Variants in CCDC61 observed in about 807,000 individuals in gnomAD.
The protein encoded by CCDC61 is centrosomal protein CCDC61.
Under a neutral mutation model 63.0 loss-of-function variants are expected in CCDC61, and 55 were observed. The ratio of observed to expected loss-of-function variants is 0.87; its 90% CI spans 0.70 to 1.09. The LOEUF (loss-of-function observed/expected upper bound fraction) is 1.09. Among genes scored for constraint, CCDC61 ranks in the 50% least tolerant of loss-of-function variants. The pLI is 0.00. For synonymous variants in CCDC61, 270 were observed against 317.0 expected (o/e 0.85, Z 1.58); for missense variants, 651 against 731.4 (o/e 0.89, Z 1.27).
In CCDC61 at chr19:46,015,596, G is replaced by A. The variant is rs1461181494; in HGVS notation, c.845+169G>A. Among the ~76,000 whole-genome samples the A allele has an allele frequency of 6.6e-6, 1 of 152,120 alleles. No homozygotes were observed. Among genetic ancestry groups the A allele is most frequent in the East Asian group, 1.9e-4 (1 of 5,154 alleles). ...CCCGTCTGGAGTCCAGACAGGATTT[G>A]GGTGCAGTGGTTAGGAGGTGGACCC... On this transcript the variant is annotated intron_variant, in intron 7 of 13. Coordinates refer to ENST00000595358, the MANE Select transcript of CCDC61 (RefSeq NM_001267723.2). The surrounding 1 kb of genome is among the most constrained non-coding windows in gnomAD (Gnocchi z 5.3).
Position 46,016,484 on chromosome 19 carries a change from C to G in CCDC61, c.1091+91C>G. The G allele has an allele frequency of 6.8e-7, 1 of 1,478,380 alleles. No individual in the cohort carries two copies. The highest frequency in any genetic ancestry group is 1.2e-5 in the South Asian group (1 of 85,688). The allele number at this position is 1,478,380 out of a possible 1,614,324, so 91.6% of individuals were successfully genotyped here. A position where few individuals can be genotyped will look rare whatever the true frequency, so the allele number is the denominator to read the frequency against. ...TCTCCACGCCACCATCAGTCTCCAT[C>G]CCCTGCCACCTGCTCGCTTCTCGCC... On this transcript the variant is annotated intron_variant, in intron 9 of 13. Transcript: ENST00000595358. The surrounding 1 kb of genome is among the most constrained non-coding windows in gnomAD (Gnocchi z 7.2).
At chr19:46,009,377 G>A (rs759624) in intron 5 of CCDC61, among the ~76,000 whole-genome samples, 138,373 of 152,136 alleles carry the variant, frequency 0.91, 63,348 homozygotes, top group Non-Finnish European at 0.97. Flanking sequence ...TAGTAATAAT[G>A]TTACCAGTAA....
At position 46,015,810 on chromosome 19, in the gene CCDC61, A is replaced by G. The variant is rs188561234; in HGVS notation, c.846-244A>G. 1.3e-3 allele frequency among the ~76,000 whole-genome samples: 201 copies of G among 151,952 alleles called. 2 individuals are homozygous for G. The highest frequency in any genetic ancestry group is 9.1e-3 in the South Asian group (44 of 4,814). On this transcript the variant is annotated intron_variant, in intron 7 of 13. Coordinates refer to ENST00000595358, the MANE Select transcript of CCDC61 (RefSeq NM_001267723.2). The surrounding 1 kb of genome is among the most constrained non-coding windows in gnomAD (Gnocchi z 5.3). Reference sequence around the variant, plus strand: ...TCCGGGGAGTTGTGGAAGACTCCGGAAAGAAGGGTCTGTTGAAGGCGGTGT... The same window carrying G: ...TCCGGGGAGTTGTGGAAGACTCCGGGAAGAAGGGTCTGTTGAAGGCGGTGT...
chr19:46,008,302 G>T lies in CCDC61; in HGVS notation c.551+1G>T. ...ATGAGATCTGGCATCTGCGGGAGCA[G>T]TGAGTCTTGGAGGGGTGGGCAGCTG... On this transcript the variant is annotated splice_donor_variant, in intron 5 of 13. Transcript: ENST00000595358. LOFTEE classifies it high-confidence loss of function. 1 of 1,409,016 alleles carries T rather than the reference G, an allele frequency of 7.1e-7. No individual in the cohort carries two copies. The highest frequency in any genetic ancestry group is 1.2e-5 in the South Asian group (1 of 85,168). The allele number at this position is 1,409,016 out of a possible 1,614,324, so 87.3% of individuals were successfully genotyped here.
chr19:45,996,050 G>A (rs1225411308), intron 1 of CCDC61, among the ~76,000 whole-genome samples: 2 of 152,230 alleles, frequency 1.3e-5, no homozygotes, highest in African/African-American at 2.4e-5. Flanking sequence ...GGTTAAGAAT[G>A]TGGGCTCTGG....
intron 1 of CCDC61, among the ~76,000 whole-genome samples, chr19:46,002,649 TCA>T (rs1295859356): frequency 6.6e-6 from 1 of 151,740 alleles, no homozygotes; most frequent in African/African-American, 2.4e-5. Context: ...ACTCTTGAGC[TCA>T]AGTGATCCTC....
At chr19:46,001,800 T>G (rs10403334) in intron 1 of CCDC61, among the ~76,000 whole-genome samples, 26,259 of 152,204 alleles carry the variant, frequency 0.17, 2,407 homozygotes, top group Middle Eastern at 0.26. Flanking sequence ...GCAAAAGGTT[T>G]TGGGACTATT....
chr19:46,012,051 C>A lies in CCDC61; in HGVS notation c.552-2998C>A, dbSNP rs146027466. Among the ~76,000 whole-genome samples, 356 of 152,324 alleles carry A rather than the reference C, an allele frequency of 2.3e-3. 1 individual carries two copies. The highest frequency in any genetic ancestry group is 7.9e-3 in the African/African-American group (327 of 41,564). On this transcript the variant is annotated intron_variant, in intron 5 of 13. Coordinates refer to ENST00000595358, the MANE Select transcript of CCDC61 (RefSeq NM_001267723.2). The stretch of plus-strand genomic sequence containing the variant: ...CTCTCGACCTGTCTCAAGTGATCCA[C>A]CTGTCTCAGACTCCCAGAGTGTTGG...
chr19:45,997,452 G>A (rs879519266), intron 1 of CCDC61, among the ~76,000 whole-genome samples: 2 of 145,952 alleles, frequency 1.4e-5, no homozygotes, highest in East Asian at 4.1e-4. Flanking sequence ...GTGCAGTGGC[G>A]CGATCTCGGC....
intron 2 of CCDC61, 59 bp downstream of exon 2, chr19:46,003,225 G>C: frequency 6.5e-7 from 1 of 1,538,470 alleles, no homozygotes; most frequent in Non-Finnish European, 8.8e-7. Flanking sequence ...GCTTCTCCCA[G>C]AATATCAGGC....
At chr19:46,008,071 A>C in intron 4 of CCDC61, 69 bp from the exon 5 acceptor site, 3 of 1,475,644 alleles carry the variant, frequency 2.0e-6, no homozygotes, top group Non-Finnish European at 2.7e-6. Context: ...TGGCTCTCAG[A>C]GGCTGCTGTT....
rs1048450257 is a variant in CCDC61, at chr19:46,015,730, C to G, written c.845+303C>G. Among the ~76,000 whole-genome samples the G allele has an allele frequency of 2.0e-5, 3 of 151,962 alleles. No homozygotes were observed. Among genetic ancestry groups the G allele is most frequent in the African/African-American group, 7.3e-5 (3 of 41,364 alleles). ...AAGGGTGCGGCGCAGCAGGTGGGAT[C>G]AGGGTGAGGTCCGCTGGCATTTATG... On this transcript the variant is annotated intron_variant, in intron 7 of 13. Coordinates refer to ENST00000595358, the MANE Select transcript of CCDC61 (RefSeq NM_001267723.2). The surrounding 1 kb of genome is among the most constrained non-coding windows in gnomAD (Gnocchi z 5.3).
chr19:46,017,169 T>G lies in CCDC61; in HGVS notation c.1311-78T>G, dbSNP rs937707774. ...AATTGGGTGATGGAGCCTGGGGGCCTTGAAACCACAAAGGTCGGGGAGGTG... is the reference window on the plus strand; with the variant it reads ...AATTGGGTGATGGAGCCTGGGGGCCGTGAAACCACAAAGGTCGGGGAGGTG... On this transcript the variant is annotated intron_variant, in intron 11 of 13. Coordinates refer to ENST00000595358, the MANE Select transcript of CCDC61 (RefSeq NM_001267723.2). 3 of 1,539,530 alleles carry G rather than the reference T, an allele frequency of 1.9e-6. No homozygotes were observed. In the African/African-American group the frequency reaches 4.1e-5, roughly 21 times the overall value.
At chr19:46,002,829 G>T (rs981161843) in intron 1 of CCDC61, among the ~76,000 whole-genome samples, 179 bp from the exon 2 acceptor site, 3 of 152,156 alleles carry the variant, frequency 2.0e-5, no homozygotes, top group African/African-American at 7.2e-5. Flanking sequence ...AGTCCACGAG[G>T]TTGGTGCCAT....
At chr19:46,005,023 TA>T (rs200699461) in intron 3 of CCDC61, among the ~76,000 whole-genome samples, 2 of 151,112 alleles carry the variant, frequency 1.3e-5, no homozygotes, top group African/African-American at 4.9e-5. Flanking sequence ...TTTATTTATT[TA>T]TTTTTTTTGA....
Position 46,015,102 on chromosome 19 carries a change from C to G in CCDC61, c.605C>G (p.Ser202Trp). Reference sequence around the variant, plus strand: ...GAGCTGGAGGCGCAGCTGGGCCGATCGCGCGAGGAGGCGCTGGCCGGGCGC... The same window carrying G: ...GAGCTGGAGGCGCAGCTGGGCCGATGGCGCGAGGAGGCGCTGGCCGGGCGC... ...KRELEAQLGR[S>W]REEALAGRAA... Residue 202 changes from serine (S) to tryptophan (W), a missense_variant, in exon 6 of 14, where the codon TCG (serine) becomes TGG (tryptophan). By Grantham distance (177) the Ser-to-Trp change is radical. Transcript: ENST00000595358. The surrounding 1 kb of genome is among the most constrained non-coding windows in gnomAD (Gnocchi z 5.3). 5.1e-6 allele frequency: 7 copies of G among 1,367,976 alleles called. No individual in the cohort carries two copies. The highest frequency in any genetic ancestry group is 6.6e-6 in the Non-Finnish European group (7 of 1,061,044). 84.7% of individuals were successfully genotyped at this position (1,367,976 alleles called of 1,614,324 possible).
Position 46,016,708 on chromosome 19 carries a change from A to G in CCDC61, c.1106A>G (p.Asn369Ser), listed in dbSNP as rs1212087716. Residue 369 changes from asparagine to serine, a missense_variant, in exon 10 of 14, where the codon AAC becomes AGC. Asn to Ser is a conservative substitution (Grantham distance 46). Transcript: ENST00000595358. This position sits in a 1 kb window ranked among gnomAD's most constrained non-coding sequence, Gnocchi z 7.2. Reference protein sequence around the residue: ...REIQMKQQQRNRLGSGGSGDG... With the variant: ...REIQMKQQQRSRLGSGGSGDG... ...TTTTTTCCCAGGCAGCAGCAGCGGA[A>G]CCGCTTAGGCAGTGGGGGAAGCGGG... is the stretch of plus-strand genomic sequence containing the variant. The G allele has an allele frequency of 1.9e-6, 3 of 1,611,846 alleles. No homozygotes were observed. Among genetic ancestry groups the G allele is most frequent in the Non-Finnish European group, 2.5e-6 (3 of 1,179,348 alleles).
intron 11 of CCDC61, 31 bp from the exon 12 acceptor site, chr19:46,017,216 C>CCACT (rs760739400): frequency 4.6e-5 from 72 of 1,554,588 alleles, no homozygotes; most frequent in Non-Finnish European, 6.1e-5. Flanking sequence ...AGCCTCCCCA[C>CCACT]CACTGGTCCT....
intron 1 of CCDC61, among the ~76,000 whole-genome samples, chr19:46,001,754 G>T (rs942828927): frequency 2.0e-5 from 3 of 152,210 alleles, no homozygotes; most frequent in Non-Finnish European, 4.4e-5. Context: ...GGATGGGCCT[G>T]GGGGGTGGTA....
Sources: allele counts gnomAD v4.1 joint callset (sites outside exome capture counted in the v4.1 genomes callset), GRCh38; gene constraint gnomAD v4.1.1; non-coding constraint Gnocchi (gnomAD v3.1); transcripts MANE v1.5; gene names NCBI Gene and HGNC (gene_info 2026-07-23, HGNC 2026-07-21).